ZBBX: variants seen among roughly 807,000 people sequenced by gnomAD.
The protein encoded by ZBBX is zinc finger B-box domain containing, also known as zinc finger B-box domain-containing protein 1.
A neutral mutation model predicts 108.5 loss-of-function variants in ZBBX; 101 were observed. The ratio of observed to expected loss-of-function variants is 0.93; its 90% CI spans 0.79 to 1.10. The LOEUF (loss-of-function observed/expected upper bound fraction) is 1.10. ZBBX is among the 50% of genes least tolerant of loss of function. ZBBX has a pLI of 0.00. For synonymous variants in ZBBX, 356 were observed against 323.4 expected (o/e 1.10, Z -1.08); for missense variants, 1,009 against 941.4 (o/e 1.07, Z -0.94).
At position 167,397,142 on chromosome 3, in the gene ZBBX, T is replaced by TAAAAAAAAAAAAAAAAAAAAAAAAAAAA. The variant is rs61671930; in HGVS notation, c.-446+10583_-446+10584insTTTTTTTTTTTTTTTTTTTTTTTTTTTT. On this transcript the variant is annotated intron_variant, in intron 1 of 21. Coordinates refer to the ZBBX transcript ENST00000455345. ...GTCGTGAAGAAGAGGTTCTTGGTGG[T>TAAAAAAAAAAAAAAAAAAAAAAAAAAAA]AAAAAAAAAAAAAAAAAAAAAAAAT... Among the ~76,000 whole-genome samples the TAAAAAAAAAAAAAAAAAAAAAAAAAAAA allele has an allele frequency of 9.3e-4, 67 of 72,384 alleles. 3 individuals carry two copies. Among genetic ancestry groups the TAAAAAAAAAAAAAAAAAAAAAAAAAAAA allele is most frequent in the South Asian group, 3.3e-3 (6 of 1,844 alleles). 47.5% of individuals were successfully genotyped at this position (72,384 alleles called of 152,430 possible).
intron 15 of ZBBX, 141 bp from the exon 16 acceptor site, chr3:167,314,257 C>A: frequency 1.6e-6 from 1 of 614,264 alleles, no homozygotes; most frequent in Non-Finnish European, 2.5e-6. Flanking sequence ...TTATTTTAAC[C>A]TTATGTGAAC....
chr3:167,195,378 T>C, the ZBBX span, among the ~76,000 whole-genome samples: 1 of 152,200 alleles, frequency 6.6e-6, no homozygotes, highest in Non-Finnish European at 1.5e-5. Flanking sequence ...CAGGAAGGCT[T>C]TCTTATTATA....
At position 167,288,847 on chromosome 3, in the gene ZBBX, T is replaced by C. The variant is rs180837087; in HGVS notation, c.1996+20A>G. The C allele has an allele frequency of 1.6e-4, 245 of 1,499,306 alleles. 2 individuals are homozygous for C. In the East Asian group the frequency reaches 5.2e-3, roughly 32 times the overall value. 92.9% of individuals were successfully genotyped at this position (1,499,306 alleles called of 1,614,324 possible). A position where few individuals can be genotyped will look rare whatever the true frequency, so the allele number is the denominator to read the frequency against. On this transcript the variant is annotated intron_variant, in intron 19 of 21. Coordinates refer to ENST00000675490, the MANE Select transcript of ZBBX (RefSeq NM_001199201.2). Reference sequence around the variant, plus strand: ...AAGTAAGCTGCCAACATGGCACTGCTGCCTTTGAGTCAATGTTACCCATCT... The same window carrying C: ...AAGTAAGCTGCCAACATGGCACTGCCGCCTTTGAGTCAATGTTACCCATCT...
At chr3:167,343,434 C>T (rs1349579462) in intron 9 of ZBBX, among the ~76,000 whole-genome samples, 1 of 151,854 alleles carries the variant, frequency 6.6e-6, no homozygotes, top group Non-Finnish European at 1.5e-5. Flanking sequence ...TCCATTCTCC[C>T]TACCCCTTTC....
At chr3:167,367,051 A>G (rs896910402) in intron 5 of ZBBX, 3 of 359,002 alleles carry the variant, frequency 8.4e-6, no homozygotes, top group African/African-American at 6.3e-5. Context: ...AAGTATAATG[A>G]ACACATTTGA....
Position 167,360,662 on chromosome 3 carries a change from A to C in ZBBX, c.322+13T>G. The C allele has an allele frequency of 7.5e-7, 1 of 1,339,474 alleles. No homozygotes were observed. Among genetic ancestry groups the C allele is most frequent in the African/African-American group, 1.5e-5 (1 of 65,900 alleles). 83.0% of individuals were successfully genotyped at this position (1,339,474 alleles called of 1,614,324 possible). A position where few individuals can be genotyped will look rare whatever the true frequency, so the allele number is the denominator to read the frequency against. On this transcript the variant is annotated intron_variant, in intron 7 of 21. Coordinates refer to ENST00000675490, the MANE Select transcript of ZBBX (RefSeq NM_001199201.2). ...GTCTTTAGCATTTATTAACATGGTG[A>C]TAAATTATTTACCTTGAATCTGTTC...
chr3:167,299,481 C>G (rs555563276), intron 17 of ZBBX, among the ~76,000 whole-genome samples: 24 of 151,988 alleles, frequency 1.6e-4, no homozygotes, highest in Non-Finnish European at 3.2e-4. Context: ...AATCGCAAAT[C>G]TGGAAGAGTT....
At chr3:167,265,647 T>C (rs1725327444) in intron 20 of ZBBX, among the ~76,000 whole-genome samples, 2 of 152,226 alleles carry the variant, frequency 1.3e-5, no homozygotes, top group South Asian at 4.1e-4. Flanking sequence ...AGCCTAGCAC[T>C]AGCTGCTGCC....
intron 20 of ZBBX, among the ~76,000 whole-genome samples, chr3:167,275,300 T>A (rs566253132): frequency 6.6e-6 from 1 of 152,310 alleles, no homozygotes; most frequent in East Asian, 1.9e-4. Context: ...TAGGAACAGC[T>A]CCGGTCTACA....
intron 20 of ZBBX, chr3:167,252,320 G>T: frequency 1.6e-6 from 1 of 616,306 alleles, no homozygotes; most frequent in Non-Finnish European, 2.5e-6. Flanking sequence ...GTGTGGAGGT[G>T]TATGTCTGAG....
At chr3:167,251,322 AG>A (rs1278340602) in intron 20 of ZBBX, among the ~76,000 whole-genome samples, 1 of 152,220 alleles carries the variant, frequency 6.6e-6, no homozygotes, top group Non-Finnish European at 1.5e-5. Context: ...GACAAGGTAG[AG>A]GGTCTAACTG....
rs1720410546 is a variant in ZBBX, at chr3:167,239,958, G to C, written c.*835C>G. Among the ~76,000 whole-genome samples, 1 of 152,112 alleles carries C rather than the reference G, an allele frequency of 6.6e-6. No individual in the cohort carries two copies. Among genetic ancestry groups the C allele is most frequent in the Non-Finnish European group, 1.5e-5 (1 of 68,006 alleles). On this transcript the variant is annotated 3_prime_UTR_variant, in exon 22 of 22. Coordinates refer to ENST00000675490, the MANE Select transcript of ZBBX (RefSeq NM_001199201.2). ...ATTCTTCTTCAAGTGGAGCAGCAAA[G>C]AGAAGTCCTGAGCAAAAGGGGGGAC...
chr3:167,289,741 G>C (rs978452690), intron 18 of ZBBX, among the ~76,000 whole-genome samples: 2 of 152,150 alleles, frequency 1.3e-5, no homozygotes, highest in Admixed American at 6.5e-5. Context: ...TGGAACATGA[G>C]TGAGACAGAA....
intron 2 of ZBBX, among the ~76,000 whole-genome samples, chr3:167,374,245 G>C (rs1560200647): frequency 6.6e-6 from 1 of 151,870 alleles, no homozygotes; most frequent in Non-Finnish European, 1.5e-5. Flanking sequence ...GATACTCTTT[G>C]GCTCAGATCA....
intron 16 of ZBBX, among the ~76,000 whole-genome samples, chr3:167,307,630 A>G (rs1202243326): frequency 6.6e-6 from 1 of 152,148 alleles, no homozygotes; most frequent in African/African-American, 2.4e-5. Context: ...AGACCAGTGG[A>G]ACAGAATAGA....
the ZBBX span, among the ~76,000 whole-genome samples, chr3:167,216,491 A>C: frequency 3.3e-3 from 502 of 152,306 alleles, 1 homozygote; most frequent in Middle Eastern, 0.01. Context: ...CACAAATGGA[A>C]AAACAACCAT....
At chr3:167,295,748 T>TAC (rs1731564062) in intron 18 of ZBBX, among the ~76,000 whole-genome samples, 1 of 16,542 alleles carries the variant, frequency 6.0e-5, no homozygotes, top group Non-Finnish European at 1.2e-4. Flanking sequence ...TATATATATA[T>TAC]ATATATATAT....
At chr3:167,356,059 T>C (rs139043085) in intron 8 of ZBBX, among the ~76,000 whole-genome samples, 183 of 152,200 alleles carry the variant, frequency 1.2e-3, no homozygotes, top group Non-Finnish European at 2.2e-3. Context: ...TCAAGTTCCA[T>C]GGCTCAAGTG....
intron 20 of ZBBX, among the ~76,000 whole-genome samples, chr3:167,273,050 C>T (rs1304420300): frequency 6.6e-6 from 1 of 152,170 alleles, no homozygotes; most frequent in Non-Finnish European, 1.5e-5. Flanking sequence ...GCACAGACCT[C>T]ATAGGGTCTT....
Sources: allele counts gnomAD v4.1 joint callset (sites outside exome capture counted in the v4.1 genomes callset), GRCh38; gene constraint gnomAD v4.1.1; transcripts MANE v1.5; gene names NCBI Gene and HGNC (gene_info 2026-07-23, HGNC 2026-07-21).